SGPP2: variants seen among roughly 807,000 people sequenced by gnomAD.
SGPP2 encodes the protein sphingosine-1-phosphate phosphatase 2, also known as sphingosine 1-phosphate phosphohydrolase 2.
A neutral mutation model predicts 33.9 loss-of-function variants in SGPP2; 30 were observed. The ratio of observed to expected loss-of-function variants is 0.89; its 90% CI spans 0.66 to 1.20. The LOEUF (loss-of-function observed/expected upper bound fraction) is 1.20, where lower values mean the gene tolerates loss of function less well. Ranked by LOEUF, SGPP2 falls within the 50% of genes most tolerant of loss-of-function variation. SGPP2 has a pLI of 0.00. For missense variants in SGPP2, 458 were observed against 532.1 expected, an observed-to-expected ratio of 0.86 and a Z score of 1.37; for synonymous variants, 233 against 225.0, an observed-to-expected ratio of 1.04 and a Z score of -0.32.
At chr2:222,478,280 T>TGC (rs1697979901) in intron 2 of SGPP2, among the ~76,000 whole-genome samples, 1 of 151,560 alleles carries the variant, frequency 6.6e-6, no homozygotes, top group East Asian at 1.9e-4. Context: ...TGTGTGTGTG[T>TGC]GTGTGTGTGT....
chr2:222,478,267 TTGTGTGTGTGTGTG>T (rs113118208), intron 2 of SGPP2, among the ~76,000 whole-genome samples: 5 of 141,488 alleles, frequency 3.5e-5, no homozygotes, highest in Admixed American at 7.1e-5. Context: ...GTGCATGCAT[TTGTGTGTGTGTGTG>T]TGTGTGTGTG....
chr2:222,501,011 A>G (rs1397484566), intron 2 of SGPP2, among the ~76,000 whole-genome samples: 1 of 152,204 alleles, frequency 6.6e-6, no homozygotes, highest in Non-Finnish European at 1.5e-5. Context: ...ATTTGGTTCA[A>G]TGTTAATTTA....
At chr2:222,427,867 AT>A (rs1323165990) in intron 1 of SGPP2, among the ~76,000 whole-genome samples, 29 of 152,338 alleles carry the variant, frequency 1.9e-4, no homozygotes, top group Admixed American at 8.5e-4. Flanking sequence ...TAGCTTAAAG[AT>A]TAACTGCATC....
intron 2 of SGPP2, among the ~76,000 whole-genome samples, chr2:222,497,553 T>C (rs1471404903): frequency 6.6e-6 from 1 of 152,208 alleles, no homozygotes; most frequent in Non-Finnish European, 1.5e-5. Context: ...AGCAGATCTC[T>C]TTCTTAACCT....
intron 1 of SGPP2, among the ~76,000 whole-genome samples, chr2:222,428,364 G>A (rs914802261): frequency 2.0e-5 from 3 of 152,178 alleles, no homozygotes; most frequent in African/African-American, 2.4e-5. Context: ...AGCCAGCCTC[G>A]TATATAATGG....
chr2:222,456,411 T>C (rs1697575613), intron 1 of SGPP2, among the ~76,000 whole-genome samples: 1 of 152,216 alleles, frequency 6.6e-6, no homozygotes, highest in East Asian at 1.9e-4. Context: ...TATTGGGAAC[T>C]GGATCTTTTA....
chr2:222,424,522 G>C (rs1161655775), upstream of SGPP2: 2 of 1,006,686 alleles, frequency 2.0e-6, no homozygotes, highest in Non-Finnish European at 2.5e-6. Context: ...GGATCGGCGG[G>C]GGCGAGGCGG....
chr2:222,461,413 G>C (rs1046958891), intron 1 of SGPP2, among the ~76,000 whole-genome samples: 1 of 152,146 alleles, frequency 6.6e-6, no homozygotes, highest in Admixed American at 6.5e-5. Context: ...CAGTTTCATG[G>C]AAGACGATTT....
Position 222,460,974 on chromosome 2 carries a change from G to A in SGPP2, c.220-13594G>A, listed in dbSNP as rs1559149982. On this transcript the variant is annotated intron_variant, in intron 1 of 4. Coordinates refer to ENST00000321276, the MANE Select transcript of SGPP2 (RefSeq NM_152386.4). The surrounding 1 kb of genome is among the most constrained non-coding windows in gnomAD (Gnocchi z 4.3). Reference sequence around the variant, plus strand: ...TGCAGTGGCATGATAATAGCTCACTGCAGCCTTGAACCCCCAGGCTCAAAC... The same window carrying A: ...TGCAGTGGCATGATAATAGCTCACTACAGCCTTGAACCCCCAGGCTCAAAC... Among the ~76,000 whole-genome samples, 1 of 152,140 alleles carries A rather than the reference G, an allele frequency of 6.6e-6. No homozygotes were observed. Among genetic ancestry groups the A allele is most frequent in the South Asian group, 2.1e-4 (1 of 4,834 alleles).
At chr2:222,558,242 A>G in intron 4 of SGPP2, 105 bp from the exon 5 acceptor site, 1 of 1,255,104 alleles carries the variant, frequency 8.0e-7, no homozygotes, top group Non-Finnish European at 1.1e-6. Flanking sequence ...AAACAATGCA[A>G]AAATTGTGTT....
intron 1 of SGPP2, among the ~76,000 whole-genome samples, chr2:222,437,232 T>C (rs146805571): frequency 3.3e-4 from 51 of 152,366 alleles, no homozygotes; most frequent in Admixed American, 9.1e-4. Flanking sequence ...TCCAAGTCCG[T>C]GACCATCCAG....
rs1689325521 is a variant in SGPP2 at position 222,553,109 on chromosome 2, C to T, written c.649-5238C>T. Among the ~76,000 whole-genome samples, 2 of 152,132 alleles carry T rather than the reference C, an allele frequency of 1.3e-5. 1 individual carries two copies. The highest frequency in any genetic ancestry group is 4.2e-4 in the South Asian group (2 of 4,816). ...AAAGGCAGGCAACACACAGCAATAG[C>T]AAAAGGCAATGCAAGAAAGGGCTTT... On this transcript the variant is annotated intron_variant, in intron 4 of 4. Coordinates refer to ENST00000321276, the MANE Select transcript of SGPP2 (RefSeq NM_152386.4).
chr2:222,433,694 T>TC (rs1697193084), intron 1 of SGPP2, among the ~76,000 whole-genome samples: 1 of 151,186 alleles, frequency 6.6e-6, no homozygotes, highest in Admixed American at 6.6e-5. Flanking sequence ...CTTGATGATT[T>TC]TTTTCCCCCC....
At chr2:222,434,973 TATAC>T (rs1170084142) in intron 1 of SGPP2, among the ~76,000 whole-genome samples, 5 of 17,924 alleles carry the variant, frequency 2.8e-4, no homozygotes. Flanking sequence ...AATGGAGATA[TATAC>T]ACACACACAC....
At chr2:222,471,024 C>T (rs1697831450) in intron 1 of SGPP2, among the ~76,000 whole-genome samples, 1 of 152,224 alleles carries the variant, frequency 6.6e-6, no homozygotes, top group African/African-American at 2.4e-5. Flanking sequence ...TGAAACTCTA[C>T]ACTTCCTTAT....
intron 1 of SGPP2, among the ~76,000 whole-genome samples, chr2:222,472,824 G>A (rs143216871): frequency 1.3e-5 from 2 of 152,256 alleles, no homozygotes; most frequent in East Asian, 3.9e-4. Flanking sequence ...ACATAAACCT[G>A]GCCAACTTGG....
intron 4 of SGPP2, among the ~76,000 whole-genome samples, chr2:222,533,035 A>T (rs1165811987): frequency 6.6e-6 from 1 of 152,178 alleles, no homozygotes; most frequent in Non-Finnish European, 1.5e-5. Context: ...TTCTATGTGA[A>T]GTGATAATTT....
intron 2 of SGPP2, among the ~76,000 whole-genome samples, chr2:222,483,756 C>T (rs1475982094): frequency 1.3e-5 from 2 of 152,168 alleles, no homozygotes; most frequent in Admixed American, 1.3e-4. Flanking sequence ...ATTCACAATC[C>T]TTAGACTGGG....
At chr2:222,490,954 A>G (rs112024253) in intron 2 of SGPP2, among the ~76,000 whole-genome samples, 230 of 152,014 alleles carry the variant, frequency 1.5e-3, no homozygotes, top group African/African-American at 5.3e-3. Flanking sequence ...TTCTTCCTAA[A>G]CTGTGTCTTG....
Sources: allele counts gnomAD v4.1 joint callset (sites outside exome capture counted in the v4.1 genomes callset), GRCh38; gene constraint gnomAD v4.1.1; non-coding constraint Gnocchi (gnomAD v3.1); transcripts MANE v1.5; gene names NCBI Gene and HGNC (gene_info 2026-07-23, HGNC 2026-07-21).